SLC35E4: variants seen among roughly 807,000 people sequenced by gnomAD.
SLC35E4 encodes the protein solute carrier family 35, member E4.
Under a neutral mutation model 19.3 loss-of-function variants are expected in SLC35E4, and 15 were observed. The ratio of observed to expected loss-of-function variants is 0.78; its 90% CI spans 0.52 to 1.20. SLC35E4 has a LOEUF of 1.20. Ranked by LOEUF, SLC35E4 falls within the 50% of genes most tolerant of loss-of-function variation. SLC35E4 has a pLI of 0.00. For synonymous variants in SLC35E4, 219 were observed against 219.9 expected, an observed-to-expected ratio of 1.00 and a Z score of 0.04; for missense variants, 406 against 472.3, an observed-to-expected ratio of 0.86 and a Z score of 1.30.
At chr22:30,659,156 G>C (rs1448445774) in intron 2 of SLC35E4, among the ~76,000 whole-genome samples, 1 of 144,924 alleles carries the variant, frequency 6.9e-6, no homozygotes, top group Non-Finnish European at 1.5e-5. Flanking sequence ...AGAAGAAACT[G>C]AACTGATACT....
At chr22:30,664,129 T>G, downstream of SLC35E4, 1 of 827,412 alleles carries the variant, frequency 1.2e-6, no homozygotes, top group Non-Finnish European at 1.9e-6. Context: ...AGAGGGCCAA[T>G]TCCAGGGGAT....
At chr22:30,639,382 A>G (rs1034056035) in intron 1 of SLC35E4, among the ~76,000 whole-genome samples, 9 of 152,186 alleles carry the variant, frequency 5.9e-5, no homozygotes, top group African/African-American at 2.2e-4. Context: ...GACCGGGGTG[A>G]AATTAAAATT....
At chr22:30,644,416 A>G (rs953081144) in intron 1 of SLC35E4, among the ~76,000 whole-genome samples, 4 of 152,180 alleles carry the variant, frequency 2.6e-5, no homozygotes, top group Non-Finnish European at 4.4e-5. Context: ...AACTTGGCAA[A>G]GGCCCCATGC....
At chr22:30,643,687 G>A (rs1216959026) in intron 1 of SLC35E4, among the ~76,000 whole-genome samples, 2 of 152,100 alleles carry the variant, frequency 1.3e-5, no homozygotes, top group African/African-American at 4.8e-5. Context: ...GTTGCTACCC[G>A]AGCCACACGA....
At chr22:30,644,760 C>T (rs1433753716) in intron 1 of SLC35E4, among the ~76,000 whole-genome samples, 1 of 152,086 alleles carries the variant, frequency 6.6e-6, no homozygotes, top group Non-Finnish European at 1.5e-5. Context: ...TGTCATTTCG[C>T]CTGGGCAAGA....
At chr22:30,637,693 T>C (rs1043176551) in intron 1 of SLC35E4, among the ~76,000 whole-genome samples, 3 of 152,192 alleles carry the variant, frequency 2.0e-5, no homozygotes, top group Admixed American at 6.5e-5. Context: ...TAGCCAGTGA[T>C]CTGTGTTTGA....
At chr22:30,640,408 C>A (rs1021551162) in intron 1 of SLC35E4, among the ~76,000 whole-genome samples, 2 of 151,432 alleles carry the variant, frequency 1.3e-5, no homozygotes, top group Non-Finnish European at 2.9e-5. Flanking sequence ...GAAAGAAGTT[C>A]ATGATTTGCA....
chr22:30,647,445 G>A lies in SLC35E4; in HGVS notation c.*414G>A, dbSNP rs1042356017. ...GGAGAACTGGCAGTGACCTCTACTG[G>A]GGGCCATGGCAGGGAGGGGAGCCTT... is the stretch of plus-strand genomic sequence containing the variant. On this transcript the variant is annotated 3_prime_UTR_variant, in exon 2 of 2. Coordinates refer to ENST00000343605, the MANE Select transcript of SLC35E4 (RefSeq NM_001001479.4). 1 of 164,920 alleles carries A rather than the reference G, an allele frequency of 6.1e-6. No homozygotes were observed. Among genetic ancestry groups the A allele is most frequent in the Non-Finnish European group, 1.3e-5 (1 of 76,688 alleles). 10.2% of individuals were successfully genotyped at this position (164,920 alleles called of 1,614,324 possible).
At chr22:30,639,641 C>T (rs1271717877) in intron 1 of SLC35E4, among the ~76,000 whole-genome samples, 1 of 152,176 alleles carries the variant, frequency 6.6e-6, no homozygotes, top group Non-Finnish European at 1.5e-5. Flanking sequence ...TCAAGGATGT[C>T]CCTTGCTGAG....
downstream of SLC35E4, among the ~76,000 whole-genome samples, chr22:30,652,713 T>C (rs899759476): frequency 3.3e-5 from 5 of 152,254 alleles, no homozygotes; most frequent in South Asian, 4.1e-4. Flanking sequence ...GGCTTCTCCA[T>C]AGGGCCCCTT....
downstream of SLC35E4, among the ~76,000 whole-genome samples, chr22:30,665,878 G>A (rs1431407724): frequency 6.7e-6 from 1 of 149,806 alleles, no homozygotes; most frequent in Non-Finnish European, 1.5e-5. Context: ...TGCCTTCTGA[G>A]AGGTTTTCTG....
chr22:30,652,060 C>T (rs576784037), downstream of SLC35E4: 3 of 152,242 alleles, frequency 2.0e-5, no homozygotes, highest in Admixed American at 2.0e-4. Flanking sequence ...GTGCAGGAGA[C>T]CAGAGTTTTA....
downstream of SLC35E4, chr22:30,663,746 A>G (rs1260443902): frequency 6.2e-7 from 1 of 1,614,102 alleles, no homozygotes. Context: ...TATGGTCAGC[A>G]ATAGGGTCAA....
chr22:30,658,265 G>A lies in SLC35E4; in HGVS notation c.*9-3795G>A, dbSNP rs989139199. Reference sequence around the variant, plus strand: ...AAAAGAAATATTAACAAGGCTGGGTGCGGTTGCTCATGCCTATAATCCCAG... The same window carrying A: ...AAAAGAAATATTAACAAGGCTGGGTACGGTTGCTCATGCCTATAATCCCAG... On this transcript the variant is annotated intron_variant, in intron 2 of 2. Transcript: ENST00000406566. Among the ~76,000 whole-genome samples the A allele has an allele frequency of 5.9e-5, 9 of 151,928 alleles. No homozygotes were observed. In the East Asian group the frequency reaches 1.6e-3, roughly 26 times the overall value.
downstream of SLC35E4, chr22:30,663,634 C>G: frequency 6.2e-7 from 1 of 1,614,212 alleles, no homozygotes; most frequent in Non-Finnish European, 8.5e-7. Context: ...AGGGACATGG[C>G]GTGGTACTTC....
At chr22:30,654,081 G>A (rs191321874) in intron 2 of SLC35E4, 2,092 of 190,426 alleles carry the variant, frequency 0.011, 32 homozygotes, top group South Asian at 0.033. Flanking sequence ...ACGGGTTCAC[G>A]CCATTCTCCT....
At chr22:30,655,285 G>T in intron 2 of SLC35E4, among the ~76,000 whole-genome samples, 1 of 143,914 alleles carries the variant, frequency 6.9e-6, no homozygotes. Context: ...GCAAAACCCT[G>T]TCTCTACGGA....
At position 30,646,698 on chromosome 22, in the gene SLC35E4, G is replaced by A. The variant is rs769014424; in HGVS notation, c.720G>A (p.Glu240=). The part of the protein sequence containing the change: ...CLLAGAALVL[E]AGVAPPPTAG... ...TGGCGGGTGCAGCCCTGGTGCTGGAGGCTGGCGTTGCCCCACCGCCCACTG... is the reference window on the plus strand; with the variant it reads ...TGGCGGGTGCAGCCCTGGTGCTGGAAGCTGGCGTTGCCCCACCGCCCACTG... The change falls in exon 2 of 2, where the codon GAG becomes GAA. Residue 240 remains glutamate (E), a synonymous_variant. Transcript: ENST00000343605. 2 of 1,612,428 alleles carry A rather than the reference G, an allele frequency of 1.2e-6. No homozygotes were observed. The highest frequency in any genetic ancestry group is 1.7e-6 in the Non-Finnish European group (2 of 1,179,830).
downstream of SLC35E4, among the ~76,000 whole-genome samples, chr22:30,651,367 A>ATTTTTTT (rs35299835): frequency 1.8e-4 from 14 of 77,008 alleles, no homozygotes; most frequent in African/African-American, 7.0e-4. Context: ...CACGTGGCTA[A>ATTTTTTT]TTTTTGTGTG....
Sources: allele counts gnomAD v4.1 joint callset (sites outside exome capture counted in the v4.1 genomes callset), GRCh38; gene constraint gnomAD v4.1.1; transcripts MANE v1.5; gene names NCBI Gene and HGNC (gene_info 2026-07-23, HGNC 2026-07-21).